SNX24: variants seen among roughly 807,000 people sequenced by gnomAD.
The protein encoded by SNX24 is sorting nexin 24, also known as sorting nexin-24.
In SNX24, 22 loss-of-function variants were observed where a neutral mutation model predicts 28.7. The observed-to-expected ratio is 0.77, with a 90% CI of 0.55 to 1.10. SNX24 has a LOEUF of 1.10. SNX24 is among the 50% of genes least tolerant of loss of function. SNX24 has a pLI of 0.00. For synonymous variants in SNX24, 69 were observed against 71.5 expected (o/e 0.96, Z 0.18); for missense variants, 221 against 201.1 (o/e 1.10, Z -0.60).
At chr5:122,873,556 G>A (rs1231449199) in intron 1 of SNX24, among the ~76,000 whole-genome samples, 2 of 152,080 alleles carry the variant, frequency 1.3e-5, no homozygotes, top group African/African-American at 4.8e-5. Flanking sequence ...GGCAGTAGAT[G>A]AGGGCTGGGT....
Position 122,938,768 on chromosome 5 carries a change from G to A in SNX24, c.144+1951G>A, listed in dbSNP as rs1381967520. 9.1e-5 allele frequency among the ~76,000 whole-genome samples: 5 copies of A among 54,968 alleles called. No homozygotes were observed. The South Asian group carries it at 2.5e-3, about 27-fold the overall frequency. The allele number at this position is 54,968 out of a possible 152,430, so 36.1% of individuals were successfully genotyped here. A position where few individuals can be genotyped will look rare whatever the true frequency, so the allele number is the denominator to read the frequency against. ...ATCCTGGCTAACACGGTGAAACCCC[G>A]TCTCTACTAAAAATACAAAAAATTA... is the stretch of plus-strand genomic sequence containing the variant. On this transcript the variant is annotated intron_variant, in intron 2 of 6. Coordinates refer to ENST00000261369, the MANE Select transcript of SNX24 (RefSeq NM_014035.4).
At chr5:122,972,055 T>C (rs1760982531) in intron 3 of SNX24, among the ~76,000 whole-genome samples, 1 of 152,242 alleles carries the variant, frequency 6.6e-6, no homozygotes, top group Non-Finnish European at 1.5e-5. Flanking sequence ...CCTTTCTCCA[T>C]TGTGGAGTAG....
In SNX24 at chr5:122,871,121, G is replaced by A. The variant is rs974678100; in HGVS notation, c.60+25428G>A. 2.0e-5 allele frequency among the ~76,000 whole-genome samples: 3 copies of A among 152,168 alleles called. No individual in the cohort carries two copies. The East Asian group carries it at 5.8e-4, about 29-fold the overall frequency. On this transcript the variant is annotated intron_variant, in intron 1 of 6. Transcript: ENST00000261369. ...TGAAGATGTCTCCAGGATGCTTTTG[G>A]AGTTTATTAAGGTAGATTACTTGCC...
At chr5:122,952,539 C>T (rs1056039560) in intron 3 of SNX24, among the ~76,000 whole-genome samples, 3 of 152,106 alleles carry the variant, frequency 2.0e-5, no homozygotes, top group Non-Finnish European at 2.9e-5. Flanking sequence ...GACATACTAG[C>T]AAAGGAAACC....
At chr5:122,910,598 C>A (rs2150088568) in intron 1 of SNX24, among the ~76,000 whole-genome samples, 1 of 146,364 alleles carries the variant, frequency 6.8e-6, no homozygotes, top group Middle Eastern at 3.4e-3. Context: ...AGGTATATCT[C>A]CTAATGCTAT....
intron 1 of SNX24, among the ~76,000 whole-genome samples, chr5:122,913,328 C>T (rs1489616059): frequency 9.3e-4 from 140 of 150,946 alleles, no homozygotes; most frequent in African/African-American, 2.9e-3. Flanking sequence ...CCAGACGGGG[C>T]GGCTGGCCGG....
chr5:122,911,916 T>A (rs1187011074), intron 1 of SNX24, among the ~76,000 whole-genome samples: 3 of 149,886 alleles, frequency 2.0e-5, no homozygotes, highest in African/African-American at 7.4e-5. Context: ...TGCTTCCAGC[T>A]TTGTTCTTTT....
intron 3 of SNX24, among the ~76,000 whole-genome samples, chr5:122,997,980 C>T (rs146552997): frequency 2.0e-5 from 3 of 152,082 alleles, no homozygotes; most frequent in East Asian, 3.9e-4. Flanking sequence ...CAAAATACCT[C>T]GGAGTTTTAT....
At chr5:122,914,831 T>A (rs933713720) in intron 1 of SNX24, among the ~76,000 whole-genome samples, 6 of 152,330 alleles carry the variant, frequency 3.9e-5, no homozygotes, top group African/African-American at 1.2e-4. Context: ...ATTTTGTTGA[T>A]CCTTTTTCAA....
chr5:123,003,897 C>A (rs1762331452), intron 6 of SNX24, among the ~76,000 whole-genome samples: 1 of 152,176 alleles, frequency 6.6e-6, no homozygotes, highest in African/African-American at 2.4e-5. Context: ...GGACCAGTCA[C>A]CAGATCTGTT....
chr5:123,014,346 T>C (rs1762644496), intron 5 of SNX24, among the ~76,000 whole-genome samples: 1 of 135,956 alleles, frequency 7.4e-6, no homozygotes, highest in African/African-American at 2.8e-5. Context: ...TTTTTTTTTT[T>C]TTTTTTTTTT....
intron 3 of SNX24, among the ~76,000 whole-genome samples, chr5:122,997,443 C>CT (rs1762088514): frequency 6.6e-6 from 1 of 152,136 alleles, no homozygotes; most frequent in Non-Finnish European, 1.5e-5. Context: ...TTGGAGAACT[C>CT]TGTTTGGGGA....
chr5:122,956,367 TACACACACACACAC>T (rs9327282), intron 3 of SNX24, among the ~76,000 whole-genome samples: 3,702 of 147,068 alleles, frequency 0.025, 183 homozygotes, highest in African/African-American at 0.083. Flanking sequence ...AAAAAATATA[TACACACACACACAC>T]ACACACACAC....
chr5:122,977,268 G>T (rs888429840), intron 3 of SNX24, among the ~76,000 whole-genome samples: 2 of 151,968 alleles, frequency 1.3e-5, no homozygotes, highest in Non-Finnish European at 2.9e-5. Flanking sequence ...CGGAACAGGG[G>T]ACCCATAATA....
At chr5:122,864,915 T>C (rs1419891592) in intron 1 of SNX24, among the ~76,000 whole-genome samples, 1 of 152,256 alleles carries the variant, frequency 6.6e-6, no homozygotes, top group Admixed American at 6.5e-5. Flanking sequence ...TTATCGTCTT[T>C]GTTTTAAACT....
intron 1 of SNX24, among the ~76,000 whole-genome samples, chr5:122,884,213 T>C (rs1391472258): frequency 6.6e-6 from 1 of 151,918 alleles, no homozygotes; most frequent in Non-Finnish European, 1.5e-5. Flanking sequence ...CCTCTACTTA[T>C]TGCTGCCTTG....
chr5:122,967,653 T>G (rs1760769050), intron 3 of SNX24, among the ~76,000 whole-genome samples: 1 of 152,206 alleles, frequency 6.6e-6, no homozygotes, highest in Admixed American at 6.5e-5. Flanking sequence ...TCAGACTGCC[T>G]GGGGTCACAT....
At chr5:122,966,683 C>G (rs1189296801) in intron 3 of SNX24, among the ~76,000 whole-genome samples, 1 of 152,178 alleles carries the variant, frequency 6.6e-6, no homozygotes, top group South Asian at 2.1e-4. Context: ...AGTCTCCACT[C>G]TGCCCTATAA....
chr5:122,861,129 C>G (rs867733764), intron 1 of SNX24, among the ~76,000 whole-genome samples: 6 of 151,850 alleles, frequency 4.0e-5, no homozygotes, highest in African/African-American at 1.5e-4. Flanking sequence ...CACTTGAGGT[C>G]AGGAGTTTGA....
Sources: allele counts gnomAD v4.1 joint callset (sites outside exome capture counted in the v4.1 genomes callset), GRCh38; gene constraint gnomAD v4.1.1; transcripts MANE v1.5; gene names NCBI Gene and HGNC (gene_info 2026-07-23, HGNC 2026-07-21).